Variants in SPRY3 observed in about 807,000 individuals in gnomAD.
SPRY3 encodes the protein sprouty RTK signaling antagonist 3.
Under a neutral mutation model 20.2 loss-of-function variants are expected in SPRY3, and 15 were observed. The observed-to-expected ratio is 0.74, with a 90% CI of 0.50 to 1.14. The LOEUF (loss-of-function observed/expected upper bound fraction) is 1.14, where lower values mean the gene tolerates loss of function less well. Among genes scored for constraint, SPRY3 ranks in the 50% most tolerant of loss-of-function variants. SPRY3 has a pLI of 0.00. For missense variants in SPRY3, 364 were observed against 363.9 expected (o/e 1.00, Z 0.00); for synonymous variants, 143 against 136.5 (o/e 1.05, Z -0.33).
rs1402178675 is a variant in SPRY3 at position 155,697,638 on chromosome X, GT to G, written c.-282+40614del. On this transcript the variant is annotated intron_variant, in intron 2 of 3. Coordinates refer to ENST00000675360, the Ensembl canonical transcript of SPRY3. ...GGTTGTGCATTGTAGGTAGGGGTGT[GT>G]GTGTGTGTGTGTGTGTCTGTGTGTG... is the stretch of plus-strand genomic sequence containing the variant. Among the ~76,000 whole-genome samples the G allele has an allele frequency of 3.7e-5, 4 of 108,829 alleles. No individual in the cohort carries two copies. In the East Asian group the frequency reaches 1.2e-3, roughly 32 times the overall value. The allele number at this position is 108,829 out of a possible 115,157, so 94.5% of individuals were successfully genotyped here. A position where few individuals can be genotyped will look rare whatever the true frequency, so the allele number is the denominator to read the frequency against.
chrX:155,739,181 G>A (rs922969038), intron 2 of SPRY3, among the ~76,000 whole-genome samples: 7 of 152,144 alleles, frequency 4.6e-5, no homozygotes, highest in East Asian at 1.9e-4. Context: ...CTGCTGTGCC[G>A]GATCATGGCC....
chrX:155,761,805 A>C (rs2091305315), intron 2 of SPRY3, among the ~76,000 whole-genome samples: 1 of 149,552 alleles, frequency 6.7e-6, no homozygotes. Context: ...TTTTCTGATT[A>C]GTGATATGGA....
chrX:155,729,018 T>C (rs2091116858), intron 2 of SPRY3, among the ~76,000 whole-genome samples: 1 of 152,020 alleles, frequency 6.6e-6, no homozygotes. Context: ...TGCAAGAGGA[T>C]ATAACAATTT....
intron 3 of SPRY3, 126 bp downstream of exon 2, chrX:155,768,262 G>A (rs1371714586): frequency 1.3e-5 from 2 of 151,818 alleles, no homozygotes; most frequent in Admixed American, 6.6e-5. Flanking sequence ...TTGGGCGCGC[G>A]CGCGCAAGCG....
At chrX:155,708,537 G>A (rs1056034751) in intron 2 of SPRY3, among the ~76,000 whole-genome samples, 1 of 151,368 alleles carries the variant, frequency 6.6e-6, no homozygotes, top group African/African-American at 2.4e-5. Flanking sequence ...TCTTTGACGT[G>A]TAGATTAATG....
intron 2 of SPRY3, among the ~76,000 whole-genome samples, chrX:155,726,113 ATGT>A (rs1362385406): frequency 6.6e-6 from 1 of 152,052 alleles, no homozygotes; most frequent in East Asian, 1.9e-4. Context: ...TTCAGTTTCC[ATGT>A]TGTTGTGCAG....
rs188253052 is a variant in SPRY3, at chrX:155,739,219, C to T, written c.-281-28743C>T. On this transcript the variant is annotated intron_variant, in intron 2 of 3. Coordinates refer to ENST00000675360, the Ensembl canonical transcript of SPRY3. ...ACTACTTCTTTAAGTGAGATCCCAA[C>T]CCATCTCTCCTCACTGGGATGTGTG... is the stretch of plus-strand genomic sequence containing the variant. Among the ~76,000 whole-genome samples the T allele has an allele frequency of 9.9e-4, 150 of 152,284 alleles. 1 individual carries two copies. Among genetic ancestry groups the T allele is most frequent in the African/African-American group, 3.4e-3 (141 of 41,578 alleles).
exon 2 of SPRY3, chrX:155,782,041 A>G (rs1187826796): frequency 1.2e-5 from 2 of 167,024 alleles, no homozygotes; most frequent in Non-Finnish European, 2.9e-5. Context: ...TTAGTACTGA[A>G]CTAGCCCAGG....
chrX:155,646,435 T>G (rs1557351881), intron 1 of SPRY3, among the ~76,000 whole-genome samples: 2 of 112,069 alleles, frequency 1.8e-5, no homozygotes, highest in African/African-American at 6.5e-5. Flanking sequence ...TCTTTACATT[T>G]ATTTGTGTCT....
intron 2 of SPRY3, among the ~76,000 whole-genome samples, chrX:155,740,018 T>C (rs2091195326): frequency 6.6e-6 from 1 of 152,122 alleles, no homozygotes; most frequent in African/African-American, 2.4e-5. Flanking sequence ...TAATGTGTTG[T>C]GGGAAGTCAG....
chrX:155,647,648 A>T (rs2067962220), intron 1 of SPRY3, among the ~76,000 whole-genome samples: 1 of 111,512 alleles, frequency 9.0e-6, no homozygotes, highest in Non-Finnish European at 1.9e-5. Context: ...ATTCTTTTTT[A>T]TGGCTGCATA....
intron 2 of SPRY3, among the ~76,000 whole-genome samples, chrX:155,675,734 C>T (rs1231846266): frequency 9.0e-6 from 1 of 111,206 alleles, no homozygotes; most frequent in African/African-American, 3.3e-5. Context: ...TAACATTGTG[C>T]CAAGAGTGCA....
chrX:155,645,157 A>G (rs1329274361), intron 1 of SPRY3, among the ~76,000 whole-genome samples: 1 of 111,341 alleles, frequency 9.0e-6, no homozygotes. Flanking sequence ...CACAACTCTG[A>G]CTGGTGCACT....
chrX:155,626,647 A>G (rs147820716), intron 1 of SPRY3, among the ~76,000 whole-genome samples: 40 of 112,096 alleles, frequency 3.6e-4, no homozygotes, highest in Non-Finnish European at 7.2e-4. Context: ...AAGGAGTTAC[A>G]TCTATGTTTC....
At chrX:155,616,830 G>A (rs2067855436) in intron 1 of SPRY3, among the ~76,000 whole-genome samples, 1 of 110,513 alleles carries the variant, frequency 9.0e-6, no homozygotes, top group Non-Finnish European at 1.9e-5. Context: ...AACAGTTCAG[G>A]GCAAACTAGG....
intron 2 of SPRY3, among the ~76,000 whole-genome samples, chrX:155,759,607 C>T (rs1401723145): frequency 5.3e-5 from 8 of 151,968 alleles, no homozygotes; most frequent in Non-Finnish European, 1.0e-4. Context: ...ATCACCAGAG[C>T]CTGGTACAAA....
In SPRY3 at chrX:155,613,675, C is replaced by T. The variant is rs781912919; in HGVS notation, c.-441+1028C>T. On this transcript the variant is annotated intron_variant, in intron 1 of 3. Transcript: ENST00000675360. ...GCCTCCACATCTTTGCCCTGGAATT[C>T]CTTCTGCCATGAATGCTCTTACCCG... Among the ~76,000 whole-genome samples, 6 of 112,054 alleles carry T rather than the reference C, an allele frequency of 5.4e-5. No homozygotes were observed. The East Asian group carries it at 1.4e-3, about 26-fold the overall frequency.
At chrX:155,663,516 T>C (rs1202717624) in intron 2 of SPRY3, among the ~76,000 whole-genome samples, 1 of 111,609 alleles carries the variant, frequency 9.0e-6, no homozygotes, top group Non-Finnish European at 1.9e-5. Context: ...AAAAAGAGGT[T>C]ACCAGCAAAT....
chrX:155,773,074 A>G (rs1400435996), intron 3 of SPRY3, among the ~76,000 whole-genome samples: 2 of 151,876 alleles, frequency 1.3e-5, no homozygotes, highest in African/African-American at 2.4e-5. Context: ...AGCAGCCAGT[A>G]AGGTGAAGAG....
Sources: allele counts gnomAD v4.1 joint callset (sites outside exome capture counted in the v4.1 genomes callset), GRCh38; gene constraint gnomAD v4.1.1; transcripts MANE v1.5; gene names NCBI Gene and HGNC (gene_info 2026-07-23, HGNC 2026-07-21).